Variants in MAPK4 observed in about 807,000 individuals in gnomAD.
MAPK4 encodes Erk3-related.
MAPK4 carries 22 observed loss-of-function variants against 47.7 expected under a neutral mutation model. The observed-to-expected ratio is 0.46, with a 90% confidence interval of 0.33 to 0.66. The LOEUF is 0.66. Among genes scored for constraint, MAPK4 ranks in the 30% least tolerant of loss-of-function variants. MAPK4 has a pLI of 0.02. For missense variants in MAPK4, 736 were observed against 831.7 expected (o/e 0.88, Z 1.42); for synonymous variants, 390 against 365.7 (o/e 1.07, Z -0.76).
chr18:50,688,026 G>C (rs1908986203), intron 2 of MAPK4, among the ~76,000 whole-genome samples: 1 of 152,158 alleles, frequency 6.6e-6, no homozygotes, highest in Non-Finnish European at 1.5e-5. Flanking sequence ...CAGGGATTCT[G>C]CTGAAAGGTG....
chr18:50,605,841 CT>C (rs1216223503), intron 1 of MAPK4, among the ~76,000 whole-genome samples: 1 of 152,178 alleles, frequency 6.6e-6, no homozygotes, highest in Non-Finnish European at 1.5e-5. Flanking sequence ...TGTCCCATGT[CT>C]CAGTCTGGTC....
At chr18:50,724,237 C>T (rs971729071) in intron 4 of MAPK4, among the ~76,000 whole-genome samples, 48 of 152,152 alleles carry the variant, frequency 3.2e-4, no homozygotes, top group Admixed American at 2.6e-3. Flanking sequence ...AACTACTACT[C>T]GTCTTGCTAG....
intron 2 of MAPK4, among the ~76,000 whole-genome samples, chr18:50,674,337 T>G (rs918920558): frequency 2.0e-5 from 3 of 152,218 alleles, no homozygotes; most frequent in African/African-American, 7.2e-5. Flanking sequence ...TTTCTTGATT[T>G]AGCTTTGCTG....
chr18:50,650,417 T>C (rs1455201343), intron 1 of MAPK4, among the ~76,000 whole-genome samples: 1 of 151,512 alleles, frequency 6.6e-6, no homozygotes, highest in African/African-American at 2.4e-5. Context: ...CCCTGGCTCA[T>C]ATCATCAGGA....
Position 50,572,255 on chromosome 18 carries a change from G to A in MAPK4, c.-871+12012G>A, listed in dbSNP as rs142569328. On this transcript the variant is annotated intron_variant, in intron 1 of 5. Coordinates refer to ENST00000400384, the MANE Select transcript of MAPK4 (RefSeq NM_002747.4). Reference sequence around the variant, plus strand: ...ACGTTAGGGTACACAGAGTAGGAGCGAGAGTTTTTTACACTATGAATGAGA... The same window carrying A: ...ACGTTAGGGTACACAGAGTAGGAGCAAGAGTTTTTTACACTATGAATGAGA... Among the ~76,000 whole-genome samples, 108 of 152,278 alleles carry A rather than the reference G, an allele frequency of 7.1e-4. 1 individual carries two copies. The East Asian group carries it at 0.02, about 28-fold the overall frequency.
At position 50,729,982 on chromosome 18, in the gene MAPK4, G is replaced by C. The variant is rs531459103; in HGVS notation, c.*128G>C. 151 of 927,616 alleles carry C rather than the reference G, an allele frequency of 1.6e-4. 1 individual carries two copies. The African/African-American group carries it at 2.3e-3, about 14-fold the overall frequency. 57.5% of individuals were successfully genotyped at this position (927,616 alleles called of 1,614,324 possible). A position where few individuals can be genotyped will look rare whatever the true frequency, so the allele number is the denominator to read the frequency against. ...GGTTGGCAGAACACGTGAAGGATCC[G>C]AGGAGCGAGAGGAATGTCCATTTCT... On this transcript the variant is annotated 3_prime_UTR_variant, in exon 6 of 6. Transcript: ENST00000400384.
intron 2 of MAPK4, among the ~76,000 whole-genome samples, chr18:50,714,160 C>G (rs1910512537): frequency 6.6e-6 from 1 of 152,184 alleles, no homozygotes; most frequent in Non-Finnish European, 1.5e-5. Context: ...CCCATTGGAT[C>G]TCCTTGGTCC....
chr18:50,633,119 T>C (rs1270221091), intron 1 of MAPK4, among the ~76,000 whole-genome samples: 1 of 152,162 alleles, frequency 6.6e-6, no homozygotes, highest in Non-Finnish European at 1.5e-5. Flanking sequence ...CATGTCTCTG[T>C]ATGGCAGGGA....
chr18:50,588,486 C>A (rs2042407624), intron 1 of MAPK4, among the ~76,000 whole-genome samples: 1 of 152,222 alleles, frequency 6.6e-6, no homozygotes. Context: ...TTTCTAGCAC[C>A]TTCTATTGGT....
intron 1 of MAPK4, among the ~76,000 whole-genome samples, chr18:50,579,798 C>G (rs781456366): frequency 8.5e-5 from 13 of 152,160 alleles, no homozygotes; most frequent in Non-Finnish European, 1.6e-4. Context: ...ATCACAGTTG[C>G]ACACCAGGTG....
intron 1 of MAPK4, among the ~76,000 whole-genome samples, chr18:50,636,795 A>G (rs1014972139): frequency 1.3e-5 from 2 of 151,826 alleles, no homozygotes; most frequent in Non-Finnish European, 2.9e-5. Flanking sequence ...ACTCTTTTTC[A>G]CTTTGGACGC....
At chr18:50,700,925 T>A (rs1909752689) in intron 2 of MAPK4, among the ~76,000 whole-genome samples, 1 of 152,076 alleles carries the variant, frequency 6.6e-6, no homozygotes, top group Non-Finnish European at 1.5e-5. Context: ...TGGCCGAAAT[T>A]CTCACCAGCT....
At chr18:50,608,589 A>T (rs953916837) in intron 1 of MAPK4, among the ~76,000 whole-genome samples, 1 of 152,242 alleles carries the variant, frequency 6.6e-6, no homozygotes, top group African/African-American at 2.4e-5. Context: ...GATTTGATGA[A>T]ATTAGTCACA....
intron 2 of MAPK4, among the ~76,000 whole-genome samples, chr18:50,687,523 G>T (rs1162845647): frequency 4.6e-5 from 7 of 152,232 alleles, no homozygotes; most frequent in Non-Finnish European, 1.0e-4. Flanking sequence ...ACACTGTAAA[G>T]CTCAGCCTGA....
At position 50,731,515 on chromosome 18, in the gene MAPK4, A is replaced by G. The variant is rs1258317071; in HGVS notation, c.*1661A>G. The G allele has an allele frequency of 6.6e-6, 1 of 152,518 alleles. No individual in the cohort carries two copies. The highest frequency in any genetic ancestry group is 6.5e-5 in the Admixed American group (1 of 15,286). The allele number at this position is 152,518 out of a possible 1,614,324, so 9.4% of individuals were successfully genotyped here. ...TGTACGTTGAAACCTGCAACACATT[A>G]GAAACTTATATTTAAAAACAGAATT... On this transcript the variant is annotated 3_prime_UTR_variant, in exon 6 of 6. Coordinates refer to ENST00000400384, the MANE Select transcript of MAPK4 (RefSeq NM_002747.4).
At chr18:50,720,401 C>T (rs1319208145) in intron 3 of MAPK4, among the ~76,000 whole-genome samples, 1 of 152,114 alleles carries the variant, frequency 6.6e-6, no homozygotes, top group Non-Finnish European at 1.5e-5. Context: ...ATCCTCATTC[C>T]ACAAGGGGTG....
chr18:50,649,743 C>T (rs968027857), intron 1 of MAPK4, among the ~76,000 whole-genome samples: 13 of 152,154 alleles, frequency 8.5e-5, no homozygotes, highest in Admixed American at 1.3e-4. Flanking sequence ...TATAAGCCTG[C>T]GGGGTGGCTG....
intron 1 of MAPK4, chr18:50,629,305 T>G (rs1426476636): frequency 6.6e-6 from 1 of 152,188 alleles, no homozygotes; most frequent in Non-Finnish European, 1.5e-5. Context: ...GTTTACATGG[T>G]TTATAGCCAG....
chr18:50,662,305 G>A (rs1279001008), intron 1 of MAPK4, among the ~76,000 whole-genome samples: 1 of 152,134 alleles, frequency 6.6e-6, no homozygotes, highest in Non-Finnish European at 1.5e-5. Context: ...AGTTTTGCAG[G>A]GTTTTTCCTC....
Sources: allele counts gnomAD v4.1 joint callset (sites outside exome capture counted in the v4.1 genomes callset), GRCh38; gene constraint gnomAD v4.1.1; transcripts MANE v1.5; gene names NCBI Gene and HGNC (gene_info 2026-07-23, HGNC 2026-07-21).